Variants in NELL2 observed in about 807,000 individuals in gnomAD.
The protein encoded by NELL2 is protein kinase C-binding protein NELL2.
In NELL2, 41 loss-of-function variants were observed where a neutral mutation model predicts 109.6. That is an observed-to-expected ratio of 0.37 (90% confidence interval 0.29 to 0.49). The LOEUF is 0.49. Among genes scored for constraint, NELL2 ranks in the 20% least tolerant of loss-of-function variants. The pLI, the probability that NELL2 is intolerant of heterozygous loss-of-function variation, is 0.98. For missense variants in NELL2, 900 were observed against 1,008.3 expected (o/e 0.89, Z 1.45); for synonymous variants, 355 against 344.7 (o/e 1.03, Z -0.33).
intron 19 of NELL2, among the ~76,000 whole-genome samples, chr12:44,509,776 A>T (rs574897114): frequency 6.6e-6 from 1 of 152,290 alleles, no homozygotes; most frequent in African/African-American, 2.4e-5. Context: ...ACTGACTAAG[A>T]CAAAAGGAAA....
At chr12:44,899,393 C>A (rs933428203) in intron 1 of NELL2, among the ~76,000 whole-genome samples, 1 of 152,150 alleles carries the variant, frequency 6.6e-6, no homozygotes, top group African/African-American at 2.4e-5. Context: ...AAGGGAAGCA[C>A]ATCAGACATA....
chr12:44,515,380 C>G lies in NELL2; in HGVS notation c.2400+4625G>C, dbSNP rs145006512. Among the ~76,000 whole-genome samples, 10 of 151,948 alleles carry G rather than the reference C, an allele frequency of 6.6e-5. No individual in the cohort carries two copies. In the East Asian group the frequency reaches 1.9e-3, roughly 29 times the overall value. ...GATAAGGAGGGACATTACATAACAA[C>G]AAAATGGTCAATTCAACAGAAGATA... On this transcript the variant is annotated intron_variant, in intron 19 of 19. Coordinates refer to ENST00000429094, the MANE Select transcript of NELL2 (RefSeq NM_001145108.2).
chr12:44,531,577 G>T (rs1307892320), intron 16 of NELL2, among the ~76,000 whole-genome samples: 1 of 152,208 alleles, frequency 6.6e-6, no homozygotes, highest in African/African-American at 2.4e-5. Context: ...TCCAGAGCTT[G>T]TCTGCTGCCG....
At chr12:44,620,066 T>C (rs1163755417) in intron 13 of NELL2, among the ~76,000 whole-genome samples, 2 of 151,742 alleles carry the variant, frequency 1.3e-5, no homozygotes, top group African/African-American at 2.4e-5. Context: ...GATTAATAGA[T>C]ATAAGAGAGC....
At chr12:44,567,178 C>T (rs1943695112) in intron 15 of NELL2, among the ~76,000 whole-genome samples, 1 of 152,188 alleles carries the variant, frequency 6.6e-6, no homozygotes, top group Non-Finnish European at 1.5e-5. Flanking sequence ...TATACGTTTT[C>T]ATGAATCAGG....
rs571967272 is a variant in NELL2 at position 44,717,798 on chromosome 12, T to C, written c.995-3057A>G. ...AAGAAACATAGCCAACCTTCTCTCC[T>C]CCTCCTGCCTTCCAGTTTCCTGCCA... is the stretch of plus-strand genomic sequence containing the variant. On this transcript the variant is annotated intron_variant, in intron 9 of 19. Coordinates refer to ENST00000429094, the MANE Select transcript of NELL2 (RefSeq NM_001145108.2). 2.3e-3 allele frequency among the ~76,000 whole-genome samples: 357 copies of C among 152,230 alleles called. 1 individual carries two copies. Among genetic ancestry groups the C allele is most frequent in the African/African-American group, 8.3e-3 (343 of 41,550 alleles).
At chr12:44,527,686 C>A (rs79860004) in intron 16 of NELL2, among the ~76,000 whole-genome samples, 6,671 of 152,224 alleles carry the variant, frequency 0.044, 165 homozygotes, top group African/African-American at 0.061. Context: ...ATGAATCCTT[C>A]TAAATACTAA....
intron 9 of NELL2, among the ~76,000 whole-genome samples, chr12:44,739,908 A>C (rs1342753288): frequency 4.6e-5 from 7 of 152,138 alleles, no homozygotes; most frequent in Middle Eastern, 3.2e-3. Context: ...ACAACAACAA[A>C]AAAAACATGG....
intron 13 of NELL2, among the ~76,000 whole-genome samples, chr12:44,617,099 C>T (rs2136263845): frequency 6.6e-6 from 1 of 152,206 alleles, no homozygotes; most frequent in Non-Finnish European, 1.5e-5. Flanking sequence ...TTCTTCCTTC[C>T]TTCCCTTTCA....
At chr12:44,793,033 A>G (rs965393472) in intron 3 of NELL2, among the ~76,000 whole-genome samples, 2 of 152,186 alleles carry the variant, frequency 1.3e-5, no homozygotes, top group Non-Finnish European at 2.9e-5. Context: ...GCCACTCTGC[A>G]AAAGAATGAG....
chr12:44,781,779 A>G (rs1013947411), intron 3 of NELL2, among the ~76,000 whole-genome samples: 1 of 152,048 alleles, frequency 6.6e-6, no homozygotes, highest in Non-Finnish European at 1.5e-5. Context: ...AGAGCTGTAC[A>G]CGTAGAATTG....
intron 9 of NELL2, among the ~76,000 whole-genome samples, chr12:44,758,693 T>C (rs548130873): frequency 6.6e-6 from 1 of 152,280 alleles, no homozygotes; most frequent in African/African-American, 2.4e-5. Context: ...ACTCAATTCA[T>C]TCAATATAAA....
At chr12:44,851,664 C>T (rs888612084) in intron 2 of NELL2, 35 of 152,244 alleles carry the variant, frequency 2.3e-4, no homozygotes, top group African/African-American at 7.9e-4. Context: ...GCAAAAAATG[C>T]TTCACCAGTC....
intron 9 of NELL2, among the ~76,000 whole-genome samples, chr12:44,745,579 A>G (rs1031450133): frequency 6.6e-6 from 1 of 152,224 alleles, no homozygotes; most frequent in Admixed American, 6.5e-5. Flanking sequence ...AATCTCCTCA[A>G]GCTGATAAGC....
intron 15 of NELL2, among the ~76,000 whole-genome samples, chr12:44,564,137 T>C (rs74087611): frequency 0.041 from 6,168 of 152,262 alleles, 430 homozygotes; most frequent in African/African-American, 0.14. Context: ...ATATGACAGT[T>C]GACTTACCAA....
intron 13 of NELL2, among the ~76,000 whole-genome samples, chr12:44,655,021 A>G (rs1947448387): frequency 6.6e-6 from 1 of 152,154 alleles, no homozygotes; most frequent in African/African-American, 2.4e-5. Context: ...TGTTGCTAAG[A>G]CACCGTTATT....
chr12:44,695,396 A>G (rs1228332890), intron 12 of NELL2, among the ~76,000 whole-genome samples: 1 of 152,144 alleles, frequency 6.6e-6, no homozygotes, highest in Non-Finnish European at 1.5e-5. Flanking sequence ...TCTTATAAAA[A>G]TAACTAGATT....
At chr12:44,631,181 C>A (rs767513773) in intron 13 of NELL2, among the ~76,000 whole-genome samples, 18 of 150,198 alleles carry the variant, frequency 1.2e-4, no homozygotes, top group Non-Finnish European at 2.5e-4. Flanking sequence ...TCTTTTACTT[C>A]TTCTCTAACA....
At chr12:44,831,363 T>A (rs1803580650) in intron 2 of NELL2, among the ~76,000 whole-genome samples, 1 of 152,134 alleles carries the variant, frequency 6.6e-6, no homozygotes, top group African/African-American at 2.4e-5. Flanking sequence ...CTGCTCACTT[T>A]AATGAGTTCA....
Sources: allele counts gnomAD v4.1 joint callset (sites outside exome capture counted in the v4.1 genomes callset), GRCh38; gene constraint gnomAD v4.1.1; transcripts MANE v1.5; gene names NCBI Gene and HGNC (gene_info 2026-07-23, HGNC 2026-07-21).